TMCO1: variants seen among roughly 807,000 people sequenced by gnomAD.
The protein encoded by TMCO1 is transmembrane and coiled-coil domains 1, also known as calcium load-activated calcium channel.
Under a neutral mutation model 29.3 loss-of-function variants are expected in TMCO1, and 29 were observed. The observed-to-expected ratio is 0.99, with a 90% CI of 0.74 to 1.35. The LOEUF is 1.35. TMCO1 is among the 40% of genes most tolerant of loss of function. The probability of loss-of-function intolerance (pLI) is 0.00; values close to 1 mark genes in which losing one functional copy is unlikely to be tolerated. For missense variants in TMCO1, 173 were observed against 225.5 expected (o/e 0.77, Z 1.49); for synonymous variants, 80 against 77.1 (o/e 1.04, Z -0.20).
chr1:165,741,952 T>G (rs1294043602), intron 6 of TMCO1, among the ~76,000 whole-genome samples: 1 of 152,242 alleles, frequency 6.6e-6, no homozygotes, highest in Non-Finnish European at 1.5e-5. Context: ...ATGCTTCCTG[T>G]ACAATCTACA....
At chr1:165,726,384 T>C (rs1650891782), downstream of TMCO1, 1 of 650,878 alleles carries the variant, frequency 1.5e-6, no homozygotes, top group Non-Finnish European at 2.8e-6. Flanking sequence ...AGTCCAACTT[T>C]AGAGAGCTCA....
At chr1:165,753,185 CA>C (rs1652062782) in intron 4 of TMCO1, among the ~76,000 whole-genome samples, 1 of 151,938 alleles carries the variant, frequency 6.6e-6, no homozygotes, top group African/African-American at 2.4e-5. Context: ...TCTTAAAGAA[CA>C]AAAGAGCCAG....
intron 6 of TMCO1, among the ~76,000 whole-genome samples, chr1:165,732,760 A>C (rs1335463707): frequency 1.3e-5 from 2 of 152,124 alleles, no homozygotes; most frequent in Non-Finnish European, 2.9e-5. Context: ...TTTGCTGTGA[A>C]CCTAAAACTG....
chr1:165,754,330 T>C lies in TMCO1; in HGVS notation c.209-56A>G, dbSNP rs372376448. 7 of 1,375,524 alleles carry C rather than the reference T, an allele frequency of 5.1e-6. No homozygotes were observed. In the African/African-American group the frequency reaches 1.0e-4, roughly 20 times the overall value. 85.2% of individuals were successfully genotyped at this position (1,375,524 alleles called of 1,614,324 possible). On this transcript the variant is annotated intron_variant, in intron 3 of 6. Coordinates refer to ENST00000367881, the MANE Select transcript of TMCO1 (RefSeq NM_019026.6). ...TACAATGCTGAGCACAAAGCAGCTG[T>C]TAAATAAACTGTCACTGATTGGTGA...
chr1:165,735,700 A>C (rs1242123438), intron 6 of TMCO1, among the ~76,000 whole-genome samples: 2 of 152,050 alleles, frequency 1.3e-5, no homozygotes, highest in Non-Finnish European at 2.9e-5. Context: ...TTTTTAGTAG[A>C]GACGGGGTTT....
At chr1:165,768,918 C>G (rs1382111273), upstream of TMCO1, 15 of 1,541,566 alleles carry the variant, frequency 9.7e-6, no homozygotes, top group South Asian at 1.8e-4. Flanking sequence ...ACCGGAAAGG[C>G]TCGTATCGGA....
chr1:165,768,355 T>C, intron 1 of TMCO1, 86 bp from the exon 2 acceptor site: 2 of 1,516,664 alleles, frequency 1.3e-6, no homozygotes, highest in Middle Eastern at 1.7e-4. Context: ...GAAGGAGGAA[T>C]TCCAACTTTT....
intron 6 of TMCO1, 131 bp from the exon 7 acceptor site, chr1:165,728,252 G>T: frequency 4.8e-6 from 3 of 628,184 alleles, no homozygotes; most frequent in Non-Finnish European, 5.7e-6. Flanking sequence ...GCAATAGGAT[G>T]ATTATCACTT....
At chr1:165,740,133 A>G (rs1049414345) in intron 6 of TMCO1, among the ~76,000 whole-genome samples, 1 of 151,990 alleles carries the variant, frequency 6.6e-6, no homozygotes, top group Non-Finnish European at 1.5e-5. Context: ...AACAACAACA[A>G]CAACAAACTC....
At chr1:165,759,405 A>G in intron 3 of TMCO1, 120 bp downstream of exon 3, 3 of 790,768 alleles carry the variant, frequency 3.8e-6, no homozygotes, top group East Asian at 2.8e-5. Flanking sequence ...CATGTGCTTT[A>G]TAAACCATAA....
chr1:165,743,108 C>T (rs1281352809), intron 6 of TMCO1, 59 bp downstream of exon 6: 1 of 1,589,070 alleles, frequency 6.3e-7, no homozygotes, highest in African/African-American at 1.3e-5. Context: ...AAAGTAAAAG[C>T]TAATTGGTAT....
intron 4 of TMCO1, among the ~76,000 whole-genome samples, chr1:165,753,625 A>T (rs1652079331): frequency 6.6e-6 from 1 of 152,056 alleles, no homozygotes; most frequent in East Asian, 1.9e-4. Flanking sequence ...CAGTGTAGCC[A>T]AGATAGCAAG....
chr1:165,725,977 G>C, downstream of TMCO1: 2 of 676,612 alleles, frequency 3.0e-6, no homozygotes, highest in Non-Finnish European at 5.4e-6. Context: ...ATTTGTATAT[G>C]AAAACCTGGT....
chr1:165,725,933 C>A (rs1359729749), downstream of TMCO1: 1 of 645,032 alleles, frequency 1.6e-6, no homozygotes, highest in Admixed American at 2.1e-5. Context: ...TTTTTAACTT[C>A]TCCCTCTTAT....
chr1:165,757,543 C>A (rs1251958101), intron 3 of TMCO1, among the ~76,000 whole-genome samples: 1 of 152,234 alleles, frequency 6.6e-6, no homozygotes, highest in East Asian at 1.9e-4. Flanking sequence ...GTTGCCCAGT[C>A]TGGAGTACAA....
At chr1:165,751,217 T>G (rs1230346852) in intron 5 of TMCO1, among the ~76,000 whole-genome samples, 1 of 152,206 alleles carries the variant, frequency 6.6e-6, no homozygotes, top group African/African-American at 2.4e-5. Context: ...TTATTAAGAC[T>G]CTATTTTAAG....
intron 6 of TMCO1, among the ~76,000 whole-genome samples, chr1:165,730,472 A>G (rs1197832962): frequency 1.3e-5 from 2 of 152,260 alleles, no homozygotes; most frequent in Non-Finnish European, 2.9e-5. Context: ...AAAATATTTC[A>G]GTACATACAT....
intron 1 of TMCO1, 140 bp downstream of exon 1, chr1:165,768,542 T>G (rs1187055855): frequency 6.4e-7 from 1 of 1,561,618 alleles, no homozygotes. Context: ...TGTTCACGAG[T>G]TGCCCAGAGA....
At chr1:165,763,147 T>C (rs970736067) in intron 2 of TMCO1, among the ~76,000 whole-genome samples, 1 of 152,216 alleles carries the variant, frequency 6.6e-6, no homozygotes, top group Admixed American at 6.5e-5. Flanking sequence ...AACCTCTTTA[T>C]ATTTTTGATA....
Sources: gnomAD v4.1 joint callset for allele counts (sites outside exome capture counted in the v4.1 genomes callset) on GRCh38, gnomAD v4.1.1 for gene constraint, MANE v1.5 for transcripts, NCBI Gene and HGNC (gene_info 2026-07-23, HGNC 2026-07-21) for gene names.